The following ASAP1 variants were observed in gnomAD, a reference collection of about 807,000 sequenced individuals.
ASAP1 encodes ArfGAP with SH3 domain, ankyrin repeat and PH domain 1, also known as arf-GAP with SH3 domain, ANK repeat and PH domain-containing protein 1.
In ASAP1, 43 loss-of-function variants were observed where a neutral mutation model predicts 145.2. The observed-to-expected ratio is 0.30, with a 90% confidence interval of 0.23 to 0.38. The LOEUF (loss-of-function observed/expected upper bound fraction) is 0.38, where lower values mean the gene tolerates loss of function less well. ASAP1 is among the 10% of genes least tolerant of loss of function. The pLI is 1.00. For missense variants in ASAP1, 1,018 were observed against 1,355.3 expected (o/e 0.75, Z 3.91); for synonymous variants, 546 against 515.5 (o/e 1.06, Z -0.80).
At chr8:130,399,587 T>C (rs12680178) in intron 2 of ASAP1, among the ~76,000 whole-genome samples, 48,819 of 152,074 alleles carry the variant, frequency 0.32, 8,645 homozygotes, top group African/African-American at 0.46. Context: ...TTGGCCTCTC[T>C]GCCTCCAGCC....
chr8:130,063,958 T>C (rs1204518229), intron 27 of ASAP1, among the ~76,000 whole-genome samples: 1 of 150,984 alleles, frequency 6.6e-6, no homozygotes, highest in Non-Finnish European at 1.5e-5. Flanking sequence ...GAGAAAAGAG[T>C]GCTGGCTGGG....
chr8:130,200,433 C>A (rs1815794104), intron 5 of ASAP1, among the ~76,000 whole-genome samples: 1 of 152,084 alleles, frequency 6.6e-6, no homozygotes, highest in Non-Finnish European at 1.5e-5. Context: ...GGTTGTATGG[C>A]TTCCAACTAA....
intron 5 of ASAP1, among the ~76,000 whole-genome samples, chr8:130,190,449 A>G (rs925609050): frequency 6.6e-6 from 1 of 152,184 alleles, no homozygotes; most frequent in African/African-American, 2.4e-5. Flanking sequence ...TTTGTCAAAA[A>G]TAAGTTGACT....
At chr8:130,081,337 G>A (rs2097479945) in intron 25 of ASAP1, among the ~76,000 whole-genome samples, 1 of 152,210 alleles carries the variant, frequency 6.6e-6, no homozygotes, top group Admixed American at 6.5e-5. Flanking sequence ...AGAGTGCAGG[G>A]CAGTTGTGGA....
chr8:130,402,673 C>G (rs917334861), intron 1 of ASAP1, among the ~76,000 whole-genome samples: 1 of 152,106 alleles, frequency 6.6e-6, no homozygotes, highest in Non-Finnish European at 1.5e-5. Context: ...GGCGAAAAAC[C>G]GAGAGACATC....
intron 11 of ASAP1, among the ~76,000 whole-genome samples, chr8:130,165,137 T>C (rs1565039061): frequency 6.6e-6 from 1 of 152,232 alleles, no homozygotes; most frequent in South Asian, 2.1e-4. Flanking sequence ...CATTTCATCA[T>C]GTACACATTC....
At chr8:130,206,827 T>A (rs1816254908) in intron 5 of ASAP1, among the ~76,000 whole-genome samples, 1 of 151,938 alleles carries the variant, frequency 6.6e-6, no homozygotes, top group Non-Finnish European at 1.5e-5. Context: ...AGTTATTCCT[T>A]TCCTGACCCA....
intron 3 of ASAP1, among the ~76,000 whole-genome samples, chr8:130,286,942 C>T (rs900317523): frequency 2.6e-5 from 4 of 151,766 alleles, no homozygotes; most frequent in East Asian, 1.9e-4. Flanking sequence ...TAGCAGGGAG[C>T]GATTCAGATG....
At chr8:130,400,664 G>A (rs570815398) in intron 2 of ASAP1, among the ~76,000 whole-genome samples, 3 of 151,968 alleles carry the variant, frequency 2.0e-5, no homozygotes, top group Admixed American at 6.5e-5. Context: ...GATGGCAGGC[G>A]CCTGTAGTCC....
chr8:130,416,792 A>T (rs887664671), intron 1 of ASAP1, among the ~76,000 whole-genome samples: 2 of 152,222 alleles, frequency 1.3e-5, no homozygotes, highest in African/African-American at 4.8e-5. Flanking sequence ...CAGTGGTAAA[A>T]CAGAAATCAT....
chr8:130,203,458 T>A (rs536223263), intron 5 of ASAP1, among the ~76,000 whole-genome samples: 48 of 152,250 alleles, frequency 3.2e-4, no homozygotes, highest in African/African-American at 1.2e-3. Flanking sequence ...GGCTGGGCTG[T>A]AGGACCTCCC....
intron 3 of ASAP1, among the ~76,000 whole-genome samples, chr8:130,257,235 A>T (rs1392012564): frequency 6.6e-6 from 1 of 152,118 alleles, no homozygotes; most frequent in Non-Finnish European, 1.5e-5. Flanking sequence ...ACTACTTAAT[A>T]GAATGTCAAG....
At chr8:130,372,913 G>A (rs1407060280) in intron 2 of ASAP1, among the ~76,000 whole-genome samples, 1 of 151,788 alleles carries the variant, frequency 6.6e-6, no homozygotes, top group Non-Finnish European at 1.5e-5. Context: ...CAGACATATA[G>A]ACACACATAC....
intron 28 of ASAP1, 54 bp from the exon 29 acceptor site, chr8:130,058,130 G>C: frequency 6.3e-7 from 1 of 1,591,598 alleles, no homozygotes; most frequent in South Asian, 1.1e-5. Flanking sequence ...TGGAAAAAAA[G>C]AGCAGCGGTT....
At chr8:130,071,048 A>AGAGAGAGAGAGAG (rs2097445313) in intron 27 of ASAP1, among the ~76,000 whole-genome samples, 9 of 59,324 alleles carry the variant, frequency 1.5e-4, no homozygotes, top group Non-Finnish European at 2.9e-4. Flanking sequence ...GAGAGAGAGA[A>AGAGAGAGAGAGAG]AGCAGAGTTT....
intron 1 of ASAP1, among the ~76,000 whole-genome samples, chr8:130,402,836 G>T (rs1456772376): frequency 2.6e-5 from 4 of 151,868 alleles, no homozygotes; most frequent in African/African-American, 9.7e-5. Context: ...CACTGCAGCT[G>T]CCTCCTAACT....
At chr8:130,080,431 TTGGGC>T (rs2097476435) in intron 25 of ASAP1, among the ~76,000 whole-genome samples, 1 of 151,702 alleles carries the variant, frequency 6.6e-6, no homozygotes, top group Non-Finnish European at 1.5e-5. Flanking sequence ...TGGTCATCTG[TTGGGC>T]CAGGCCCTCA....
At chr8:130,423,543 T>C (rs977916631) in intron 1 of ASAP1, among the ~76,000 whole-genome samples, 5 of 152,084 alleles carry the variant, frequency 3.3e-5, no homozygotes, top group Admixed American at 1.3e-4. Context: ...TAAATGTCCA[T>C]TAAAAAAGAA....
intron 3 of ASAP1, among the ~76,000 whole-genome samples, chr8:130,248,018 A>G (rs1226919293): frequency 6.6e-6 from 1 of 152,204 alleles, no homozygotes; most frequent in Non-Finnish European, 1.5e-5. Context: ...CTGGTGACTT[A>G]CTGAAAAACA....
Sources: allele counts gnomAD v4.1 joint callset (sites outside exome capture counted in the v4.1 genomes callset), GRCh38; gene constraint gnomAD v4.1.1; transcripts MANE v1.5; gene names NCBI Gene and HGNC (gene_info 2026-07-23, HGNC 2026-07-21).